Variants in SPATA6 observed in about 807,000 individuals in gnomAD.
SPATA6 encodes the protein spermatogenesis-associated protein 6.
In SPATA6, 56 loss-of-function variants were observed where a neutral mutation model predicts 65.3. That is an observed-to-expected ratio of 0.86 (90% CI 0.69 to 1.07). The LOEUF is 1.07. SPATA6 is among the 50% of genes least tolerant of loss of function. The probability of loss-of-function intolerance (pLI) is 0.00; values close to 1 mark genes in which losing one functional copy is unlikely to be tolerated. For missense variants in SPATA6, 590 were observed against 594.8 expected (o/e 0.99, Z 0.08); for synonymous variants, 199 against 213.2 (o/e 0.93, Z 0.58).
At chr1:48,405,398 A>G (rs1375330556) in intron 5 of SPATA6, among the ~76,000 whole-genome samples, 1 of 152,196 alleles carries the variant, frequency 6.6e-6, no homozygotes, top group Non-Finnish European at 1.5e-5. Context: ...CAGAAATCTG[A>G]GAGAGGTTGA....
chr1:48,374,396 A>G (rs2148868132), intron 9 of SPATA6, among the ~76,000 whole-genome samples: 1 of 152,330 alleles, frequency 6.6e-6, no homozygotes, highest in Non-Finnish European at 1.5e-5. Context: ...ACAACACACT[A>G]ATGGAAAAAC....
chr1:48,344,111 C>A (rs72893214), intron 11 of SPATA6: 4 of 152,020 alleles, frequency 2.6e-5, no homozygotes, highest in African/African-American at 4.8e-5. Context: ...AGTCAATATA[C>A]GCTATGAAAA....
In SPATA6 at chr1:48,403,942, T is replaced by C. The variant is rs550585079; in HGVS notation, c.406-60A>G. On this transcript the variant is annotated intron_variant, in intron 5 of 12. Coordinates refer to ENST00000371847, the MANE Select transcript of SPATA6 (RefSeq NM_019073.4). ...CCATTTAAATAGAGATAATTATTAATGATAAGAATATGACCTAAAGTAACA... is the reference window on the plus strand; with the variant it reads ...CCATTTAAATAGAGATAATTATTAACGATAAGAATATGACCTAAAGTAACA... The C allele has an allele frequency of 5.7e-5, 70 of 1,231,460 alleles. 1 individual carries two copies. Among genetic ancestry groups the C allele is most frequent in the Non-Finnish European group, 7.5e-5 (65 of 867,102 alleles). 76.3% of individuals were successfully genotyped at this position (1,231,460 alleles called of 1,614,324 possible).
intron 3 of SPATA6, among the ~76,000 whole-genome samples, chr1:48,426,645 AT>A (rs1371215716): frequency 1.3e-5 from 2 of 151,928 alleles, no homozygotes; most frequent in African/African-American, 4.8e-5. Flanking sequence ...GAAAAAAAAA[AT>A]TTTTTTAATT....
intron 12 of SPATA6, among the ~76,000 whole-genome samples, chr1:48,304,463 T>C (rs1296689111): frequency 6.6e-6 from 1 of 152,192 alleles, no homozygotes; most frequent in Non-Finnish European, 1.5e-5. Context: ...AAATGTAGTA[T>C]TTATCTACCT....
the SPATA6 span, among the ~76,000 whole-genome samples, chr1:48,277,971 C>T: frequency 6.6e-6 from 1 of 152,186 alleles, no homozygotes; most frequent in South Asian, 2.1e-4. Context: ...CCAGGTACTC[C>T]TCTGACACAA....
intron 9 of SPATA6, 87 bp from the exon 10 acceptor site, chr1:48,359,857 A>G (rs1646761591): frequency 9.7e-7 from 1 of 1,028,148 alleles, no homozygotes; most frequent in Non-Finnish European, 1.3e-6. Flanking sequence ...TATGCATAGT[A>G]GTCATATGCA....
At chr1:48,369,515 C>T (rs1017035773) in intron 9 of SPATA6, among the ~76,000 whole-genome samples, 5 of 152,186 alleles carry the variant, frequency 3.3e-5, no homozygotes, top group Non-Finnish European at 5.9e-5. Flanking sequence ...TGCCGCCTTG[C>T]AGTTTGATCT....
At chr1:48,286,490 G>C in the SPATA6 span, among the ~76,000 whole-genome samples, 36 of 152,092 alleles carry the variant, frequency 2.4e-4, no homozygotes, top group African/African-American at 8.4e-4. Flanking sequence ...AAGTAATACT[G>C]ATTTTTTATG....
At position 48,383,338 on chromosome 1, in the gene SPATA6, G is replaced by A. The variant is rs1234823871; in HGVS notation, c.909+1971C>T. ...CCCCCACCTCCCTCCCGGACGGGGC[G>A]GCTGGCCGACCGCCCCCCCGCCACC... On this transcript the variant is annotated intron_variant, in intron 9 of 12. Transcript: ENST00000371847. 6.5e-5 allele frequency among the ~76,000 whole-genome samples: 4 copies of A among 61,870 alleles called. 1 individual carries two copies. Among genetic ancestry groups the A allele is most frequent in the African/African-American group, 9.4e-5 (2 of 21,286 alleles). 40.6% of individuals were successfully genotyped at this position (61,870 alleles called of 152,430 possible). A position where few individuals can be genotyped will look rare whatever the true frequency, so the allele number is the denominator to read the frequency against.
chr1:48,403,910 C>T (rs72895120), intron 5 of SPATA6, 28 bp from the exon 6 acceptor site: 3 of 1,493,888 alleles, frequency 2.0e-6, no homozygotes, highest in Admixed American at 3.7e-5. Context: ...GGTATTATTA[C>T]ACATTTCCAT....
At chr1:48,263,912 G>T in the SPATA6 span, among the ~76,000 whole-genome samples, 1 of 152,042 alleles carries the variant, frequency 6.6e-6, no homozygotes, top group Non-Finnish European at 1.5e-5. Flanking sequence ...CTCCATCCTT[G>T]CACTCCTGGG....
chr1:48,314,775 C>G (rs925437570), intron 11 of SPATA6, among the ~76,000 whole-genome samples: 1 of 151,984 alleles, frequency 6.6e-6, no homozygotes, highest in Non-Finnish European at 1.5e-5. Context: ...AAAAGATCAA[C>G]AAAATTGATA....
At chr1:48,416,557 C>G (rs1652806241) in intron 3 of SPATA6, among the ~76,000 whole-genome samples, 1 of 152,020 alleles carries the variant, frequency 6.6e-6, no homozygotes, top group East Asian at 1.9e-4. Flanking sequence ...AACCTTACAA[C>G]AAATAAAACA....
At chr1:48,455,469 G>A (rs1026478394) in intron 1 of SPATA6, among the ~76,000 whole-genome samples, 3 of 150,630 alleles carry the variant, frequency 2.0e-5, no homozygotes, top group Admixed American at 6.6e-5. Context: ...TGCAAGCTCC[G>A]CCTCCCAGGT....
At chr1:48,293,157 C>T (rs758109289), downstream of SPATA6, among the ~76,000 whole-genome samples, 11 of 152,186 alleles carry the variant, frequency 7.2e-5, no homozygotes, top group Non-Finnish European at 1.5e-4. Context: ...CTCAGCTATG[C>T]CAGTCTTCCC....
At chr1:48,386,997 C>A (rs1649543542) in intron 8 of SPATA6, among the ~76,000 whole-genome samples, 1 of 152,160 alleles carries the variant, frequency 6.6e-6, no homozygotes. Flanking sequence ...TGAGAATGGG[C>A]AATTTACAAA....
chr1:48,376,495 C>T (rs1570367406), intron 9 of SPATA6, among the ~76,000 whole-genome samples: 2 of 151,566 alleles, frequency 1.3e-5, no homozygotes, highest in South Asian at 4.2e-4. Context: ...CTTTCAATGC[C>T]TTCCTGGCTA....
chr1:48,394,038 C>T, intron 8 of SPATA6, among the ~76,000 whole-genome samples: 1 of 152,040 alleles, frequency 6.6e-6, no homozygotes, highest in East Asian at 1.9e-4. Context: ...TATACACAGA[C>T]TCATATACAG....
Sources: allele counts gnomAD v4.1 joint callset (sites outside exome capture counted in the v4.1 genomes callset), GRCh38; gene constraint gnomAD v4.1.1; transcripts MANE v1.5; gene names NCBI Gene and HGNC (gene_info 2026-07-23, HGNC 2026-07-21).